EPM2A: variants seen among roughly 807,000 people sequenced by gnomAD.
EPM2A encodes the protein laforin.
Under a neutral mutation model 26.5 loss-of-function variants are expected in EPM2A, and 21 were observed. The ratio of observed to expected loss-of-function variants is 0.79; its 90% CI spans 0.56 to 1.14. The LOEUF is 1.14. Among genes scored for constraint, EPM2A ranks in the 50% most tolerant of loss-of-function variants. The pLI is 0.00. For missense variants in EPM2A, 458 were observed against 440.8 expected, an observed-to-expected ratio of 1.04 and a Z score of -0.35; for synonymous variants, 217 against 177.6, an observed-to-expected ratio of 1.22 and a Z score of -1.76.
intron 2 of EPM2A, among the ~76,000 whole-genome samples, chr6:145,555,238 T>C (rs1418278904): frequency 6.6e-6 from 1 of 152,052 alleles, no homozygotes; most frequent in Non-Finnish European, 1.5e-5. Context: ...ATCATTGGTG[T>C]TAGTTCATCC....
At chr6:145,488,290 G>A (rs1401747327) in intron 4 of EPM2A, among the ~76,000 whole-genome samples, 4 of 151,866 alleles carry the variant, frequency 2.6e-5, no homozygotes, top group Non-Finnish European at 5.9e-5. Context: ...GGATTGCTTT[G>A]GATATTCAAG....
At chr6:145,729,094 G>C (rs1030889419) in intron 1 of EPM2A, among the ~76,000 whole-genome samples, 3 of 152,182 alleles carry the variant, frequency 2.0e-5, no homozygotes, top group Non-Finnish European at 2.9e-5. Flanking sequence ...GTGCACAGAG[G>C]GCAAGAGTTT....
intron 2 of EPM2A, among the ~76,000 whole-genome samples, chr6:145,576,307 C>T (rs2114830739): frequency 6.6e-6 from 1 of 152,306 alleles, no homozygotes; most frequent in African/African-American, 2.4e-5. Context: ...TCCGCTGTTG[C>T]ACACTTTATT....
chr6:145,425,364 A>G lies in EPM2A; in HGVS notation c.556-41267T>C, dbSNP rs112951375. 1.2e-3 allele frequency among the ~76,000 whole-genome samples: 182 copies of G among 152,118 alleles called. 1 individual carries two copies. Among genetic ancestry groups the G allele is most frequent in the African/African-American group, 4.0e-3 (168 of 41,516 alleles). ...AATTTTTGTATTTTTTAGTAGATACAGGGTTTCGCCATGTTGGCCAGGCTG... is the reference window on the plus strand; with the variant it reads ...AATTTTTGTATTTTTTAGTAGATACGGGGTTTCGCCATGTTGGCCAGGCTG... On this transcript the variant is annotated intron_variant, in intron 4 of 4. Coordinates refer to the EPM2A transcript ENST00000638717.
chr6:145,432,604 T>C (rs1299815624), intron 4 of EPM2A, among the ~76,000 whole-genome samples: 1 of 152,072 alleles, frequency 6.6e-6, no homozygotes, highest in East Asian at 1.9e-4. Context: ...GTTCCATTTA[T>C]AGAGCACAGT....
chr6:145,708,559 G>A (rs1217771166), intron 1 of EPM2A, among the ~76,000 whole-genome samples: 1 of 152,218 alleles, frequency 6.6e-6, no homozygotes, highest in Non-Finnish European at 1.5e-5. Context: ...CCGGTATGGT[G>A]TTGAGCCTGT....
chr6:145,646,395 C>G (rs1424933126), intron 2 of EPM2A, among the ~76,000 whole-genome samples: 1 of 151,636 alleles, frequency 6.6e-6, no homozygotes, highest in Non-Finnish European at 1.5e-5. Context: ...CCAGGCTGGT[C>G]TCGAATTCCT....
intron 2 of EPM2A, among the ~76,000 whole-genome samples, chr6:145,582,384 C>T (rs932980060): frequency 1.3e-5 from 2 of 152,050 alleles, no homozygotes; most frequent in African/African-American, 2.4e-5. Flanking sequence ...GAGTATGTGC[C>T]ATGCACAGAG....
At chr6:145,389,363 T>A (rs754857306) in intron 4 of EPM2A, among the ~76,000 whole-genome samples, 1 of 152,072 alleles carries the variant, frequency 6.6e-6, no homozygotes, top group Non-Finnish European at 1.5e-5. Flanking sequence ...CTAATTTTTT[T>A]ATATTTTTAG....
intron 2 of EPM2A, among the ~76,000 whole-genome samples, chr6:145,583,964 A>C (rs1781151972): frequency 6.6e-6 from 1 of 152,168 alleles, no homozygotes; most frequent in Non-Finnish European, 1.5e-5. Flanking sequence ...GTGTCTGTGC[A>C]TGCACTTGTG....
downstream of EPM2A, among the ~76,000 whole-genome samples, chr6:145,497,826 T>C (rs1299094854): frequency 1.3e-5 from 2 of 152,226 alleles, no homozygotes; most frequent in African/African-American, 4.8e-5. Context: ...GTCCACACTT[T>C]TGTAGAGCAG....
chr6:145,623,649 T>A (rs1380558755), downstream of EPM2A, among the ~76,000 whole-genome samples: 1 of 151,932 alleles, frequency 6.6e-6, no homozygotes, highest in East Asian at 1.9e-4. Flanking sequence ...AACACAGGAG[T>A]GACAAGGCCT....
intron 2 of EPM2A, among the ~76,000 whole-genome samples, chr6:145,656,986 G>A (rs1310562721): frequency 6.6e-6 from 1 of 151,870 alleles, no homozygotes; most frequent in Non-Finnish European, 1.5e-5. Flanking sequence ...ACAAAATCAG[G>A]CAGAATTCGT....
At chr6:145,383,637 A>G (rs1010479717) in exon 5 of EPM2A, 1 of 152,244 alleles carries the variant, frequency 6.6e-6, no homozygotes, top group Non-Finnish European at 1.5e-5. Flanking sequence ...ACTTCCCAGC[A>G]GGCCCTACCT....
chr6:145,662,158 C>G (rs942699575), intron 2 of EPM2A, among the ~76,000 whole-genome samples: 1 of 152,098 alleles, frequency 6.6e-6, no homozygotes, highest in Admixed American at 6.5e-5. Context: ...TCCCTTCTTC[C>G]CACTTCCTTC....
At chr6:145,462,791 C>T (rs920457640) in intron 4 of EPM2A, among the ~76,000 whole-genome samples, 2 of 152,260 alleles carry the variant, frequency 1.3e-5, no homozygotes, top group Admixed American at 6.5e-5. Context: ...TCACTACCAA[C>T]AACTTGTTGA....
chr6:145,594,611 AG>A (rs1781316585), intron 2 of EPM2A, among the ~76,000 whole-genome samples: 1 of 151,960 alleles, frequency 6.6e-6, no homozygotes, highest in African/African-American at 2.4e-5. Flanking sequence ...ACCATAACAA[AG>A]TTGAATCAAT....
At chr6:145,412,213 T>TG (rs1582735252) in intron 4 of EPM2A, among the ~76,000 whole-genome samples, 1 of 68,242 alleles carries the variant, frequency 1.5e-5, no homozygotes, top group Non-Finnish European at 2.9e-5. Context: ...AGACTCTGTC[T>TG]CAAAAAAAAA....
chr6:145,438,235 C>T (rs775221346), intron 4 of EPM2A, among the ~76,000 whole-genome samples: 3 of 151,996 alleles, frequency 2.0e-5, no homozygotes, highest in Non-Finnish European at 4.4e-5. Flanking sequence ...GACAAGAGAA[C>T]GGAAATAGAA....
Sources: gnomAD v4.1 joint callset for allele counts (sites outside exome capture counted in the v4.1 genomes callset) on GRCh38, gnomAD v4.1.1 for gene constraint, MANE v1.5 for transcripts, NCBI Gene and HGNC (gene_info 2026-07-23, HGNC 2026-07-21) for gene names.